The following CEP97 variants were observed in gnomAD, a reference collection of about 807,000 sequenced individuals.
The protein encoded by CEP97 is centrosomal protein 97.
CEP97 carries 43 observed loss-of-function variants against 73.1 expected under a neutral mutation model. The ratio of observed to expected loss-of-function variants is 0.59; its 90% CI spans 0.46 to 0.76. The LOEUF is 0.76. CEP97 is among the 30% of genes least tolerant of loss of function. The probability of loss-of-function intolerance (pLI) is 0.00; values close to 1 mark genes in which losing one functional copy is unlikely to be tolerated. For synonymous variants in CEP97, 337 were observed against 370.0 expected, an observed-to-expected ratio of 0.91 and a Z score of 1.02; for missense variants, 939 against 1,014.0, an observed-to-expected ratio of 0.93 and a Z score of 1.00.
chr3:101,746,032 T>A (rs1938603984), intron 6 of CEP97, among the ~76,000 whole-genome samples: 1 of 152,200 alleles, frequency 6.6e-6, no homozygotes, highest in African/African-American at 2.4e-5. Flanking sequence ...TGTGATAGTT[T>A]ACTGAAAATG....
At chr3:101,729,819 G>A (rs950694322) in intron 4 of CEP97, among the ~76,000 whole-genome samples, 3 of 151,504 alleles carry the variant, frequency 2.0e-5, no homozygotes, top group African/African-American at 7.3e-5. Flanking sequence ...CACCCAAGCA[G>A]TGGTGCAATC....
At chr3:101,748,599 T>G (rs994276141) in intron 6 of CEP97, among the ~76,000 whole-genome samples, 2 of 152,196 alleles carry the variant, frequency 1.3e-5, no homozygotes, top group African/African-American at 4.8e-5. Context: ...ATGAAGATTC[T>G]AAATGATTTT....
chr3:101,726,616 A>T lies in CEP97; in HGVS notation c.66A>T (p.Gly22=), dbSNP rs1937897417. 6.2e-7 allele frequency: 1 copy of T among 1,611,300 alleles called. No individual in the cohort carries two copies. The change falls in exon 2 of 11, where the codon GGA becomes GGT. Residue 22 remains glycine, a synonymous_variant. Coordinates refer to ENST00000341893, the MANE Select transcript of CEP97 (RefSeq NM_024548.4). ...AAGGATCAGTGGTCAATTGGTCAGG[A>T]CAGGGACTACAGAAATTAGGTCCAA... is the stretch of plus-strand genomic sequence containing the variant. ...PGEGSVVNWS[G]QGLQKLGPNL...
chr3:101,762,602 A>G (rs759120154), intron 10 of CEP97, 42 bp downstream of exon 10: 343 of 1,416,098 alleles, frequency 2.4e-4, no homozygotes, highest in Middle Eastern at 5.5e-4. Context: ...ATGATCAAAT[A>G]CAGATTCTAT....
intron 3 of CEP97, among the ~76,000 whole-genome samples, chr3:101,727,852 T>G (rs530776680): frequency 6.6e-6 from 1 of 152,292 alleles, no homozygotes; most frequent in African/African-American, 2.4e-5. Flanking sequence ...GAATATACAG[T>G]TTTAAAAGTT....
rs956147653 is a variant in CEP97 at position 101,753,781 on chromosome 3, A to T, written c.729-1649A>T. Among the ~76,000 whole-genome samples, 5 of 152,322 alleles carry T rather than the reference A, an allele frequency of 3.3e-5. No homozygotes were observed. In the South Asian group the frequency reaches 6.2e-4, roughly 19 times the overall value. On this transcript the variant is annotated intron_variant, in intron 6 of 10. Transcript: ENST00000341893. ...AAAGCGCAGTATTAGGGTGGGAGTG[A>T]CCCGATTTTCCAGGTGCCATCTGTC...
intron 6 of CEP97, among the ~76,000 whole-genome samples, chr3:101,741,483 C>G (rs1302282053): frequency 6.6e-6 from 1 of 152,108 alleles, no homozygotes; most frequent in Non-Finnish European, 1.5e-5. Context: ...AACAGGCAAC[C>G]TACAGAATGG....
intron 9 of CEP97, among the ~76,000 whole-genome samples, chr3:101,760,590 G>A (rs1939144669): frequency 6.6e-6 from 1 of 152,096 alleles, no homozygotes; most frequent in South Asian, 2.1e-4. Context: ...TGCTGAGGCT[G>A]GAGTGTAGTG....
chr3:101,748,544 C>T (rs980117396), intron 6 of CEP97, among the ~76,000 whole-genome samples: 3 of 152,092 alleles, frequency 2.0e-5, no homozygotes, highest in Non-Finnish European at 2.9e-5. Context: ...TTTCAACATG[C>T]CATTTGTTTG....
chr3:101,754,841 T>G (rs1938958819), intron 6 of CEP97, among the ~76,000 whole-genome samples: 1 of 152,046 alleles, frequency 6.6e-6, no homozygotes, highest in Non-Finnish European at 1.5e-5. Flanking sequence ...CATATTCCTC[T>G]CCCTTTTGTA....
intron 1 of CEP97, among the ~76,000 whole-genome samples, chr3:101,725,409 A>T (rs1319883386): frequency 3.9e-5 from 6 of 152,230 alleles, no homozygotes; most frequent in Non-Finnish European, 7.4e-5. Flanking sequence ...CAGTCCTCTA[A>T]ATCGGGGACA....
At chr3:101,752,399 C>G (rs1029082568) in intron 6 of CEP97, among the ~76,000 whole-genome samples, 1 of 152,076 alleles carries the variant, frequency 6.6e-6, no homozygotes, top group Non-Finnish European at 1.5e-5. Flanking sequence ...CAAGGAGTAT[C>G]TTTGTGGCGT....
intron 6 of CEP97, among the ~76,000 whole-genome samples, chr3:101,744,004 CAA>C (rs36050896): frequency 1.2e-4 from 13 of 111,608 alleles, no homozygotes; most frequent in African/African-American, 2.0e-4. Context: ...AACTCCGTCT[CAA>C]AAAAAAAAAA....
intron 9 of CEP97, chr3:101,759,661 T>C (rs76957911): frequency 0.049 from 7,466 of 152,350 alleles, 651 homozygotes; most frequent in African/African-American, 0.17. Context: ...GGAGATTATC[T>C]CCCAGGAGTC....
At chr3:101,756,387 A>C (rs945605828) in intron 7 of CEP97, among the ~76,000 whole-genome samples, 1 of 145,484 alleles carries the variant, frequency 6.9e-6, no homozygotes, top group Non-Finnish European at 1.5e-5. Flanking sequence ...TTTTTGAGGC[A>C]GGAGCTCACT....
intron 1 of CEP97, among the ~76,000 whole-genome samples, chr3:101,725,877 G>GTTTTTTTTTTTTTTTTTTTTTTT (rs55666231): frequency 7.2e-6 from 1 of 139,568 alleles, no homozygotes; most frequent in Non-Finnish European, 1.5e-5. Flanking sequence ...TTTTTTTTTT[G>GTTTTTTTTTTTTTTTTTTTTTTT]TTTTTTTTTT....
At chr3:101,740,944 A>G (rs1262544765) in intron 6 of CEP97, among the ~76,000 whole-genome samples, 4 of 152,218 alleles carry the variant, frequency 2.6e-5, no homozygotes, top group Non-Finnish European at 5.9e-5. Context: ...ATATGGAACC[A>G]AGAAAGAGCC....
intron 4 of CEP97, among the ~76,000 whole-genome samples, chr3:101,729,435 A>T (rs1400413546): frequency 6.6e-6 from 1 of 152,142 alleles, no homozygotes; most frequent in Non-Finnish European, 1.5e-5. Context: ...GAAACTGGTC[A>T]TTGTAGTTAA....
chr3:101,727,566 A>G, intron 3 of CEP97, 25 bp downstream of exon 3: 1 of 1,570,054 alleles, frequency 6.4e-7, no homozygotes, highest in Non-Finnish European at 8.6e-7. Flanking sequence ...TTTTGTTTAC[A>G]AAACTATTCT....
Sources: allele counts gnomAD v4.1 joint callset (sites outside exome capture counted in the v4.1 genomes callset), GRCh38; gene constraint gnomAD v4.1.1; transcripts MANE v1.5; gene names NCBI Gene and HGNC (gene_info 2026-07-23, HGNC 2026-07-21).